The following DLGAP2 variants were observed in gnomAD, a reference collection of about 807,000 sequenced individuals.
The protein encoded by DLGAP2 is DLG associated protein 2.
A neutral mutation model predicts 100.3 loss-of-function variants in DLGAP2; 26 were observed. The ratio of observed to expected loss-of-function variants is 0.26; its 90% CI spans 0.19 to 0.36. The LOEUF is 0.36. DLGAP2 is among the 10% of genes least tolerant of loss of function. DLGAP2 has a pLI of 1.00. For synonymous variants in DLGAP2, 886 were observed against 630.1 expected, an observed-to-expected ratio of 1.41 and a Z score of -6.08; for missense variants, 1,858 against 1,453.2, an observed-to-expected ratio of 1.28 and a Z score of -4.53.
intron 2 of DLGAP2, among the ~76,000 whole-genome samples, chr8:962,555 G>T (rs1158920550): frequency 6.6e-6 from 1 of 152,150 alleles, no homozygotes. Flanking sequence ...GGCCTGACCT[G>T]TGCTCCCAGA....
chr8:1,388,068 C>T (rs568736300), intron 3 of DLGAP2, among the ~76,000 whole-genome samples: 4 of 152,204 alleles, frequency 2.6e-5, no homozygotes, highest in Non-Finnish European at 4.4e-5. Context: ...CTAGTGTCAG[C>T]GTCTCACAGC....
At chr8:926,265 T>G (rs1584894692) in intron 2 of DLGAP2, among the ~76,000 whole-genome samples, 1 of 152,162 alleles carries the variant, frequency 6.6e-6, no homozygotes, top group Non-Finnish European at 1.5e-5. Flanking sequence ...CTGGGACCAT[T>G]CAGCCTGGCC....
chr8:1,521,211 G>A (rs796872058), intron 4 of DLGAP2, among the ~76,000 whole-genome samples: 11 of 54,934 alleles, frequency 2.0e-4, no homozygotes, highest in South Asian at 1.0e-3. Context: ...AATACTCGGG[G>A]GCAGGTGATA....
chr8:1,054,886 TGTTTGTTTTA>T (rs1315427626), intron 2 of DLGAP2, among the ~76,000 whole-genome samples: 1 of 152,232 alleles, frequency 6.6e-6, no homozygotes, highest in Non-Finnish European at 1.5e-5. Flanking sequence ...TAATGCTTTG[TGTTTGTTTTA>T]TAAAAAGCAC....
At chr8:1,108,788 G>A (rs1177217664) in intron 2 of DLGAP2, among the ~76,000 whole-genome samples, 1 of 140,488 alleles carries the variant, frequency 7.1e-6, no homozygotes, top group African/African-American at 2.7e-5. Context: ...GAAGTGTGCT[G>A]GGTCTGTGAG....
At chr8:1,417,693 G>GGGCACGGGGA in intron 3 of DLGAP2, among the ~76,000 whole-genome samples, 9,849 of 92,284 alleles carry the variant, frequency 0.11, 1,720 homozygotes, top group East Asian at 0.26. Context: ...GGGCACAGGG[G>GGGCACGGGGA]GCCCCACTCC....
Position 1,521,067 on chromosome 8 carries a change from T to C in DLGAP2, c.172+19636T>C, listed in dbSNP as rs139960844. On this transcript the variant is annotated intron_variant, in intron 4 of 14. Transcript: ENST00000637795. ...GTTCTATTCGGGGTGTGGTGGTGTC[T>C]TGTTGTTGTTTTAATTTGGAATACT... Among the ~76,000 whole-genome samples, 288 of 152,230 alleles carry C rather than the reference T, an allele frequency of 1.9e-3. 1 individual carries two copies. Among genetic ancestry groups the C allele is most frequent in the African/African-American group, 6.7e-3 (280 of 41,510 alleles).
At chr8:1,296,815 C>T (rs999987514) in intron 3 of DLGAP2, among the ~76,000 whole-genome samples, 8 of 152,248 alleles carry the variant, frequency 5.3e-5, no homozygotes, top group East Asian at 1.9e-4. Context: ...ACAGCCGCAC[C>T]GGAGCGGCCC....
intron 2 of DLGAP2, among the ~76,000 whole-genome samples, chr8:994,927 C>A (rs1800744284): frequency 6.6e-6 from 1 of 152,126 alleles, no homozygotes; most frequent in Non-Finnish European, 1.5e-5. Flanking sequence ...GAAAATCGGA[C>A]AACGGTGGTA....
In DLGAP2 at chr8:972,098, A is replaced by G. The variant is rs575540397; in HGVS notation, c.73+64132A>G. On this transcript the variant is annotated intron_variant, in intron 2 of 14. Coordinates refer to ENST00000637795, the MANE Select transcript of DLGAP2 (RefSeq NM_001346810.2). ...AAAAGTTGTAACAGGAGAGACAAAAACAAGGACAACACAGGACATTTTAAC... is the reference window on the plus strand; with the variant it reads ...AAAAGTTGTAACAGGAGAGACAAAAGCAAGGACAACACAGGACATTTTAAC... 8.5e-5 allele frequency among the ~76,000 whole-genome samples: 13 copies of G among 152,304 alleles called. No homozygotes were observed. In the East Asian group the frequency reaches 1.4e-3, roughly 16 times the overall value.
chr8:1,517,678 G>A (rs1159418326), intron 4 of DLGAP2, among the ~76,000 whole-genome samples: 3 of 152,218 alleles, frequency 2.0e-5, no homozygotes, highest in East Asian at 3.9e-4. Flanking sequence ...TTCTGGCTAG[G>A]AGAGCCCTGC....
chr8:1,439,171 A>G (rs1797749700), intron 3 of DLGAP2, among the ~76,000 whole-genome samples: 1 of 152,116 alleles, frequency 6.6e-6, no homozygotes, highest in African/African-American at 2.4e-5. Flanking sequence ...AATTTAAGAG[A>G]ATGAATGAAA....
intron 2 of DLGAP2, among the ~76,000 whole-genome samples, chr8:1,008,652 G>A (rs540590269): frequency 1.3e-5 from 2 of 152,180 alleles, no homozygotes; most frequent in Non-Finnish European, 2.9e-5. Flanking sequence ...TTACTGTGCC[G>A]TAATTAAGCT....
intron 2 of DLGAP2, among the ~76,000 whole-genome samples, chr8:1,120,005 GA>G (rs1795998001): frequency 6.6e-6 from 1 of 152,188 alleles, no homozygotes; most frequent in South Asian, 2.1e-4. Context: ...GGGCTGGGCT[GA>G]AAAATGAGTC....
intron 2 of DLGAP2, among the ~76,000 whole-genome samples, chr8:1,135,978 C>G (rs1371848921): frequency 3.3e-5 from 5 of 152,208 alleles, no homozygotes; most frequent in Admixed American, 3.3e-4. Context: ...AGCACAGAAT[C>G]AATGAGCCAG....
intron 3 of DLGAP2, among the ~76,000 whole-genome samples, chr8:1,347,491 G>T (rs1801592412): frequency 6.6e-6 from 1 of 152,140 alleles, no homozygotes; most frequent in South Asian, 2.1e-4. Flanking sequence ...TGGGGGCTGT[G>T]TGTAGGTTCA....
intron 2 of DLGAP2, among the ~76,000 whole-genome samples, chr8:965,616 C>CCTG (rs1799843449): frequency 7.1e-6 from 1 of 141,830 alleles, no homozygotes; most frequent in African/African-American, 2.8e-5. Context: ...GAGTCTGGCC[C>CCTG]CGCACTGCAC....
chr8:832,712 G>C (rs1387846694), intron 1 of DLGAP2, among the ~76,000 whole-genome samples: 2 of 152,210 alleles, frequency 1.3e-5, no homozygotes, highest in Admixed American at 6.5e-5. Flanking sequence ...TGCCTGTGGA[G>C]GAAGTGAGCA....
chr8:1,041,093 C>G (rs1802334246), intron 2 of DLGAP2, among the ~76,000 whole-genome samples: 1 of 152,128 alleles, frequency 6.6e-6, no homozygotes, highest in Non-Finnish European at 1.5e-5. Context: ...CTCCTCTTTC[C>G]TAAGGGGAGG....
Sources: allele counts gnomAD v4.1 joint callset (sites outside exome capture counted in the v4.1 genomes callset), GRCh38; gene constraint gnomAD v4.1.1; transcripts MANE v1.5; gene names NCBI Gene and HGNC (gene_info 2026-07-23, HGNC 2026-07-21).